OCA2: variants seen among roughly 807,000 people sequenced by gnomAD.
The protein encoded by OCA2 is OCA2 melanosomal transmembrane protein, also known as P protein.
OCA2 carries 77 observed loss-of-function variants against 100.2 expected under a neutral mutation model. The observed-to-expected ratio is 0.77, with a 90% CI of 0.64 to 0.93. The LOEUF is 0.93. Ranked by LOEUF, OCA2 falls within the 40% of genes least tolerant of loss-of-function variation. The pLI, the probability that OCA2 is intolerant of heterozygous loss-of-function variation, is 0.00. For missense variants in OCA2, 1,062 were observed against 1,089.1 expected, an observed-to-expected ratio of 0.98 and a Z score of 0.35; for synonymous variants, 432 against 439.2, an observed-to-expected ratio of 0.98 and a Z score of 0.21.
chr15:28,003,081 C>T (rs1402255907), intron 9 of OCA2, among the ~76,000 whole-genome samples: 3 of 152,196 alleles, frequency 2.0e-5, no homozygotes, highest in Admixed American at 1.3e-4. Context: ...CCTGCGGGTC[C>T]GCGTCAGCCA....
At chr15:27,764,931 G>A (rs939043471) in intron 23 of OCA2, among the ~76,000 whole-genome samples, 3 of 152,238 alleles carry the variant, frequency 2.0e-5, no homozygotes, top group East Asian at 1.9e-4. Context: ...CTAAGGATAC[G>A]TGTAGCTATT....
At chr15:27,922,893 C>G (rs1163222510) in intron 19 of OCA2, among the ~76,000 whole-genome samples, 1 of 151,956 alleles carries the variant, frequency 6.6e-6, no homozygotes, top group East Asian at 1.9e-4. Flanking sequence ...GTTTGTTGTA[C>G]AGATTATTTT....
chr15:28,040,114 C>T (rs1164255507), intron 2 of OCA2, among the ~76,000 whole-genome samples: 1 of 151,886 alleles, frequency 6.6e-6, no homozygotes, highest in African/African-American at 2.4e-5. Context: ...CTGACAGAAC[C>T]ATGTGAAGAG....
intron 18 of OCA2, among the ~76,000 whole-genome samples, chr15:27,931,522 G>A (rs1473585779): frequency 2.0e-5 from 3 of 152,016 alleles, no homozygotes; most frequent in Non-Finnish European, 4.4e-5. Context: ...TTTTAGCAGA[G>A]ACGGGGTTTC....
chr15:27,750,286 A>G (rs1390813576), downstream of OCA2, among the ~76,000 whole-genome samples: 1 of 152,160 alleles, frequency 6.6e-6, no homozygotes, highest in Non-Finnish European at 1.5e-5. Flanking sequence ...AAGTTACAGA[A>G]CTACACCCCT....
intron 3 of OCA2, among the ~76,000 whole-genome samples, chr15:28,031,181 G>A (rs896901767): frequency 6.6e-6 from 1 of 152,178 alleles, no homozygotes; most frequent in Non-Finnish European, 1.5e-5. Context: ...TTTGTTTTCT[G>A]CCTATATGGA....
intron 6 of OCA2, among the ~76,000 whole-genome samples, chr15:28,021,674 G>A (rs1284602381): frequency 6.6e-6 from 1 of 152,184 alleles, no homozygotes; most frequent in Non-Finnish European, 1.5e-5. Context: ...GCATCCCCCA[G>A]TGATGCCAAG....
At chr15:27,893,396 CA>C (rs1567070815) in intron 19 of OCA2, among the ~76,000 whole-genome samples, 3 of 152,122 alleles carry the variant, frequency 2.0e-5, no homozygotes, top group Non-Finnish European at 4.4e-5. Flanking sequence ...TACAGAATAA[CA>C]GCGATTTTTA....
At chr15:28,033,691 T>C (rs1316507984) in intron 2 of OCA2, among the ~76,000 whole-genome samples, 1 of 152,200 alleles carries the variant, frequency 6.6e-6, no homozygotes, top group African/African-American at 2.4e-5. Flanking sequence ...GTAGGTGGTT[T>C]AACTTTGCCA....
chr15:27,976,676 G>T (rs769132705), intron 14 of OCA2, among the ~76,000 whole-genome samples: 5 of 152,036 alleles, frequency 3.3e-5, no homozygotes, highest in Admixed American at 1.3e-4. Flanking sequence ...TTAAATCTAT[G>T]TTCACAAGAA....
chr15:27,976,497 CATCTATTGAGATG>C (rs1461073686), intron 14 of OCA2, among the ~76,000 whole-genome samples: 1 of 152,174 alleles, frequency 6.6e-6, no homozygotes, highest in African/African-American at 2.4e-5. Context: ...GTTTTTTCTG[CATCTATTGAGATG>C]ATCATATGGT....
intron 23 of OCA2, among the ~76,000 whole-genome samples, chr15:27,827,450 C>T (rs6497243): frequency 0.5 from 75,637 of 151,524 alleles, 19,392 homozygotes; most frequent in South Asian, 0.76. Flanking sequence ...CACAGAGTGC[C>T]GACGGAGCTG....
At chr15:27,966,254 C>T (rs771333731) in intron 15 of OCA2, among the ~76,000 whole-genome samples, 4 of 152,158 alleles carry the variant, frequency 2.6e-5, no homozygotes, top group African/African-American at 4.8e-5. Context: ...GGATTACAGG[C>T]GTGAGCCACC....
chr15:27,848,284 G>A (rs1215349447), intron 22 of OCA2, among the ~76,000 whole-genome samples: 1 of 152,188 alleles, frequency 6.6e-6, no homozygotes, highest in Non-Finnish European at 1.5e-5. Context: ...TGTTTATGAG[G>A]ACCATCACCA....
At chr15:27,962,540 G>C (rs919864882) in intron 15 of OCA2, among the ~76,000 whole-genome samples, 3 of 152,138 alleles carry the variant, frequency 2.0e-5, no homozygotes, top group Non-Finnish European at 4.4e-5. Context: ...AAGAAGCCTA[G>C]GCCAGAAAGA....
intron 23 of OCA2, among the ~76,000 whole-genome samples, chr15:27,771,779 T>C (rs1022336828): frequency 6.6e-6 from 1 of 152,212 alleles, no homozygotes; most frequent in Non-Finnish European, 1.5e-5. Flanking sequence ...TTAATTTTGT[T>C]AATTTTTGCT....
intron 19 of OCA2, among the ~76,000 whole-genome samples, chr15:27,912,115 A>G (rs2038420347): frequency 6.6e-6 from 1 of 152,222 alleles, no homozygotes; most frequent in Non-Finnish European, 1.5e-5. Context: ...AATTCAGGGA[A>G]TCAATATGAT....
chr15:28,089,250 T>C (rs1305859013), intron 1 of OCA2, among the ~76,000 whole-genome samples: 1 of 152,158 alleles, frequency 6.6e-6, no homozygotes, highest in African/African-American at 2.4e-5. Flanking sequence ...GTTTAAACAA[T>C]TTGGGCAGTT....
chr15:27,728,147 G>A, the OCA2 span, among the ~76,000 whole-genome samples: 1 of 152,158 alleles, frequency 6.6e-6, no homozygotes, highest in Non-Finnish European at 1.5e-5. Context: ...GGCAAGGGTA[G>A]GACTCTGACA....
Sources: allele counts gnomAD v4.1 joint callset (sites outside exome capture counted in the v4.1 genomes callset), GRCh38; gene constraint gnomAD v4.1.1; transcripts MANE v1.5; gene names NCBI Gene and HGNC (gene_info 2026-07-23, HGNC 2026-07-21).